The following RPL31 variants were observed in gnomAD, a reference collection of about 807,000 sequenced individuals.
The protein encoded by RPL31 is ribosomal protein L31.
For synonymous variants in RPL31, 51 were observed against 55.0 expected (o/e 0.93, Z 0.32); for missense variants, 95 against 164.0 (o/e 0.58, Z 2.30).
chr2:101,008,057 T>C, downstream of RPL31: 2 of 1,613,972 alleles, frequency 1.2e-6, no homozygotes, highest in Non-Finnish European at 1.7e-6. Context: ...GTCTTCCCAG[T>C]GTCTGCAAAA....
chr2:101,016,624 C>T (rs1041026444), intron 4 of RPL31, among the ~76,000 whole-genome samples: 2 of 152,062 alleles, frequency 1.3e-5, no homozygotes, highest in African/African-American at 2.4e-5. Context: ...CACATGCACA[C>T]GTATGTTTAT....
chr2:101,002,567 C>T, intron 1 of RPL31, 135 bp from the exon 2 acceptor site: 2 of 716,920 alleles, frequency 2.8e-6, no homozygotes, highest in Non-Finnish European at 2.4e-6. Context: ...GCGTGGGCCA[C>T]TGGGTGACCG....
chr2:101,013,494 A>G (rs1679387048), intron 4 of RPL31, among the ~76,000 whole-genome samples: 1 of 152,206 alleles, frequency 6.6e-6, no homozygotes, highest in South Asian at 2.1e-4. Flanking sequence ...GTCTCACTTC[A>G]AGTACTACCC....
chr2:101,002,547 G>T (rs1181436691), intron 1 of RPL31, 155 bp from the exon 2 acceptor site: 5 of 646,948 alleles, frequency 7.7e-6, no homozygotes, highest in Non-Finnish European at 1.4e-5. Context: ...AGGGGCGCAG[G>T]GGCGCGGGTG....
downstream of RPL31, chr2:101,010,860 C>G (rs1248251389): frequency 3.0e-6 from 4 of 1,338,872 alleles, no homozygotes; most frequent in Non-Finnish European, 4.2e-6. Context: ...CCAGCCTGGG[C>G]GACAGAGCGA....
At chr2:101,017,099 C>T (rs1156332252) in intron 4 of RPL31, among the ~76,000 whole-genome samples, 3 of 151,270 alleles carry the variant, frequency 2.0e-5, no homozygotes, top group African/African-American at 7.3e-5. Context: ...AAGACAAACA[C>T]GCACATTAGC....
chr2:101,006,376 A>G lies in RPL31; in HGVS notation c.373A>G (p.Asn125Asp). The change falls in exon 5 of 5, where the codon AAC becomes GAC. Residue 125 changes from asparagine (N) to aspartate (D), a missense_variant. Transcript: ENST00000264258. ...TCTACAGACAGTCAATGTGGATGAGAACTAATCGCTGATCGTCAGATCAAA... is the reference window on the plus strand; with the variant it reads ...TCTACAGACAGTCAATGTGGATGAGGACTAATCGCTGATCGTCAGATCAAA... ...KNLQTVNVDE[N>D] is the part of the protein sequence containing the mutation. 1 of 1,610,156 alleles carries G rather than the reference A, an allele frequency of 6.2e-7. No homozygotes were observed. Among genetic ancestry groups the G allele is most frequent in the East Asian group, 2.2e-5 (1 of 44,836 alleles).
At chr2:101,010,352 C>T (rs1260762297), downstream of RPL31, among the ~76,000 whole-genome samples, 1 of 152,148 alleles carries the variant, frequency 6.6e-6, no homozygotes, top group East Asian at 1.9e-4. Flanking sequence ...GCCCCAAATA[C>T]TTCTACCTCC....
chr2:101,012,459 T>C (rs1679289383), intron 4 of RPL31, among the ~76,000 whole-genome samples: 1 of 152,170 alleles, frequency 6.6e-6, no homozygotes, highest in Admixed American at 6.6e-5. Context: ...AGCAACTCCA[T>C]TTATATCAAA....
At chr2:101,005,645 A>C (rs944389380) in intron 3 of RPL31, 11 of 301,016 alleles carry the variant, frequency 3.7e-5, no homozygotes, top group Non-Finnish European at 6.1e-5. Flanking sequence ...TCACGTAACA[A>C]AGTTTCTGGT....
At chr2:101,007,759 G>A, downstream of RPL31, 2 of 1,528,734 alleles carry the variant, frequency 1.3e-6, no homozygotes, top group Non-Finnish European at 1.8e-6. Flanking sequence ...CTGACCCCAA[G>A]AAACAGTCTG....
downstream of RPL31, chr2:101,007,738 T>G: frequency 7.1e-7 from 1 of 1,417,698 alleles, no homozygotes; most frequent in Non-Finnish European, 9.6e-7. Flanking sequence ...GACTGAAATC[T>G]CGGTTTAGGG....
intron 4 of RPL31, among the ~76,000 whole-genome samples, chr2:101,013,018 A>G (rs541971363): frequency 1.3e-5 from 2 of 152,348 alleles, no homozygotes; most frequent in Admixed American, 1.3e-4. Flanking sequence ...CTGGGATGCC[A>G]AAGAACTTGG....
At chr2:101,018,069 T>A in intron 4 of RPL31, 1 of 803,054 alleles carries the variant, frequency 1.2e-6, no homozygotes, top group Non-Finnish European at 1.9e-6. Flanking sequence ...GTTGACAATC[T>A]AGGCTAATGG....
intron 2 of RPL31, among the ~76,000 whole-genome samples, chr2:101,003,259 A>G (rs1312874989): frequency 6.6e-6 from 1 of 152,192 alleles, no homozygotes; most frequent in Non-Finnish European, 1.5e-5. Flanking sequence ...TTTTTTCCAC[A>G]AATAAATGCT....
chr2:101,007,713 C>A, downstream of RPL31: 1 of 1,139,352 alleles, frequency 8.8e-7, no homozygotes, highest in Non-Finnish European at 1.3e-6. Flanking sequence ...AGCCAGATGC[C>A]CCATTGGTAA....
At chr2:101,018,221 A>C in intron 4 of RPL31, 1 of 271,856 alleles carries the variant, frequency 3.7e-6, no homozygotes, top group Non-Finnish European at 6.9e-6. Context: ...AAACATCACT[A>C]ATGAAACATT....
chr2:101,012,254 A>G (rs764688636), downstream of RPL31, among the ~76,000 whole-genome samples: 16 of 152,222 alleles, frequency 1.1e-4, no homozygotes, highest in Admixed American at 1.0e-3. Flanking sequence ...ACTTGTACAC[A>G]GATTGTTCAC....
At chr2:101,002,949 G>GATAC in intron 2 of RPL31, 141 bp downstream of exon 2, 4 of 661,266 alleles carry the variant, frequency 6.0e-6, no homozygotes, top group East Asian at 5.5e-5. Flanking sequence ...CAAATCCTGT[G>GATAC]GGCTCTACCC....
Sources: allele counts gnomAD v4.1 joint callset (sites outside exome capture counted in the v4.1 genomes callset), GRCh38; gene constraint gnomAD v4.1.1; transcripts MANE v1.5; gene names NCBI Gene and HGNC (gene_info 2026-07-23, HGNC 2026-07-21).